The following ATP9A variants were observed in gnomAD, a reference collection of about 807,000 sequenced individuals.
The protein encoded by ATP9A is ATPase phospholipid transporting 9A.
ATP9A carries 52 observed loss-of-function variants against 144.1 expected under a neutral mutation model. That is an observed-to-expected ratio of 0.36 (90% CI 0.29 to 0.45). The LOEUF is 0.45. Ranked by LOEUF, ATP9A falls within the 20% of genes least tolerant of loss-of-function variation. ATP9A has a pLI of 1.00. For missense variants in ATP9A, 947 were observed against 1,392.7 expected (o/e 0.68, Z 5.09); for synonymous variants, 582 against 557.4 (o/e 1.04, Z -0.62).
chr20:51,729,677 G>A (rs34915887), intron 2 of ATP9A, among the ~76,000 whole-genome samples, 157 bp downstream of exon 2: 12,942 of 152,088 alleles, frequency 0.085, 661 homozygotes, highest in African/African-American at 0.14. Flanking sequence ...CTCAGGAGGC[G>A]GAGGTTGCAG....
intron 1 of ATP9A, among the ~76,000 whole-genome samples, chr20:51,755,264 C>T (rs937628201): frequency 2.0e-5 from 3 of 151,770 alleles, no homozygotes; most frequent in African/African-American, 7.3e-5. Flanking sequence ...GGTAAAACCC[C>T]GTCTCCACTA....
intron 4 of ATP9A, among the ~76,000 whole-genome samples, chr20:51,707,466 G>A (rs2077619412): frequency 6.6e-6 from 1 of 152,026 alleles, no homozygotes; most frequent in African/African-American, 2.4e-5. Flanking sequence ...AAGTCCCAAG[G>A]CACAGTGCTG....
chr20:51,601,899 A>G (rs560173173), intron 27 of ATP9A, among the ~76,000 whole-genome samples: 40 of 151,934 alleles, frequency 2.6e-4, no homozygotes, highest in Non-Finnish European at 5.4e-4. Flanking sequence ...AGAATAAGAC[A>G]CTGTCTCAAA....
chr20:51,637,641 G>GC (rs1210021693), intron 15 of ATP9A, among the ~76,000 whole-genome samples: 1 of 151,786 alleles, frequency 6.6e-6, no homozygotes, highest in African/African-American at 2.4e-5. Flanking sequence ...CAGGCAGGGG[G>GC]CAGGGCCATG....
chr20:51,686,185 G>A (rs1836630574), intron 9 of ATP9A, among the ~76,000 whole-genome samples: 1 of 152,066 alleles, frequency 6.6e-6, no homozygotes, highest in African/African-American at 2.4e-5. Context: ...TTGGACACAG[G>A]GTGGGGAACA....
At chr20:51,619,256 C>G (rs997108365) in intron 19 of ATP9A, among the ~76,000 whole-genome samples, 1 of 152,160 alleles carries the variant, frequency 6.6e-6, no homozygotes, top group African/African-American at 2.4e-5. Flanking sequence ...CCTACAATTT[C>G]CCCCAGGACT....
At chr20:51,649,111 T>C (rs1457259380) in intron 14 of ATP9A, among the ~76,000 whole-genome samples, 1 of 152,090 alleles carries the variant, frequency 6.6e-6, no homozygotes, top group African/African-American at 2.4e-5. Context: ...CCACTGCACT[T>C]GGAAGATGCA....
intron 27 of ATP9A, 34 bp from the exon 28 acceptor site, chr20:51,601,381 C>T: frequency 6.3e-7 from 1 of 1,576,462 alleles, no homozygotes; most frequent in Non-Finnish European, 8.6e-7. Flanking sequence ...AGTGAGCAGG[C>T]AGGAATATTC....
intron 9 of ATP9A, among the ~76,000 whole-genome samples, chr20:51,685,343 G>T (rs1161029742): frequency 2.0e-5 from 3 of 152,142 alleles, no homozygotes; most frequent in Non-Finnish European, 4.4e-5. Flanking sequence ...GGTGGATCAT[G>T]AGGTCAGGAG....
intron 3 of ATP9A, among the ~76,000 whole-genome samples, chr20:51,715,018 G>A (rs988408959): frequency 1.3e-5 from 2 of 152,112 alleles, no homozygotes; most frequent in Non-Finnish European, 2.9e-5. Context: ...ACAGTCATTC[G>A]TTTTCCTTGT....
intron 10 of ATP9A, among the ~76,000 whole-genome samples, chr20:51,674,688 C>G (rs1480823135): frequency 1.3e-5 from 2 of 152,154 alleles, no homozygotes; most frequent in Non-Finnish European, 2.9e-5. Context: ...TGCAGAGTGC[C>G]CTTGGCCTTG....
At chr20:51,664,755 T>C (rs902939410) in intron 13 of ATP9A, among the ~76,000 whole-genome samples, 1 of 152,098 alleles carries the variant, frequency 6.6e-6, no homozygotes, top group African/African-American at 2.4e-5. Context: ...AGTCTCCCTC[T>C]GTCACCCAGG....
intron 1 of ATP9A, among the ~76,000 whole-genome samples, chr20:51,747,407 G>C (rs372555706): frequency 6.6e-6 from 1 of 152,030 alleles, no homozygotes; most frequent in African/African-American, 2.4e-5. Flanking sequence ...GCAACACCCC[G>C]GAAATGACAA....
rs569760957 is a variant in ATP9A, at chr20:51,652,168, C to T, written c.1506+4770G>A. On this transcript the variant is annotated intron_variant, in intron 14 of 27. Coordinates refer to ENST00000338821, the MANE Select transcript of ATP9A (RefSeq NM_006045.3). ...GATGCTGTCAGGGCTGAGGCCTGCT[C>T]GCTCCAGCATCTGAGCAGTGCTCCG... 1.9e-4 allele frequency among the ~76,000 whole-genome samples: 29 copies of T among 152,312 alleles called. No homozygotes were observed. The South Asian group carries it at 5.8e-3, about 30-fold the overall frequency.
chr20:51,712,905 CT>C (rs1183042048), intron 4 of ATP9A, 60 bp downstream of exon 4: 2 of 1,450,422 alleles, frequency 1.4e-6, no homozygotes, highest in Non-Finnish European at 1.9e-6. Flanking sequence ...CTCTTCTCCC[CT>C]GACTGTCAGC....
chr20:51,691,585 T>C (rs2077548739), intron 7 of ATP9A, among the ~76,000 whole-genome samples: 1 of 151,986 alleles, frequency 6.6e-6, no homozygotes, highest in Non-Finnish European at 1.5e-5. Context: ...ATGGCTGCTA[T>C]CAAAACAAAA....
chr20:51,723,716 C>T (rs1052524847), intron 3 of ATP9A, among the ~76,000 whole-genome samples: 1 of 151,660 alleles, frequency 6.6e-6, no homozygotes, highest in Admixed American at 6.6e-5. Flanking sequence ...GCCACCAAGC[C>T]CAGCTAATTT....
At position 51,733,683 on chromosome 20, in the gene ATP9A, A is replaced by T. The variant is rs200584849; in HGVS notation, c.69-3705T>A. On this transcript the variant is annotated intron_variant, in intron 1 of 27. Coordinates refer to ENST00000338821, the MANE Select transcript of ATP9A (RefSeq NM_006045.3). Reference sequence around the variant, plus strand: ...CCACTGTACCTGGCCTTTTTTTTTTAATTTTTTTTTAAATTAAAAAATCTG... The same window carrying T: ...CCACTGTACCTGGCCTTTTTTTTTTTATTTTTTTTTAAATTAAAAAATCTG... 1.1e-3 allele frequency among the ~76,000 whole-genome samples: 106 copies of T among 100,144 alleles called. No homozygotes were observed. In the East Asian group the frequency reaches 0.019, roughly 18 times the overall value. The allele number at this position is 100,144 out of a possible 152,430, so 65.7% of individuals were successfully genotyped here.
At chr20:51,651,947 T>C (rs1018405953) in intron 14 of ATP9A, among the ~76,000 whole-genome samples, 2 of 152,028 alleles carry the variant, frequency 1.3e-5, no homozygotes, top group Non-Finnish European at 2.9e-5. Context: ...AGAAAAAAAG[T>C]TTTTTAAATA....
Sources: allele counts gnomAD v4.1 joint callset (sites outside exome capture counted in the v4.1 genomes callset), GRCh38; gene constraint gnomAD v4.1.1; transcripts MANE v1.5; gene names NCBI Gene and HGNC (gene_info 2026-07-23, HGNC 2026-07-21).